Variants in LEKR1 observed in about 807,000 individuals in gnomAD.
LEKR1 encodes leucine, glutamate and lysine rich 1.
A neutral mutation model predicts 72.4 loss-of-function variants in LEKR1; 59 were observed. That is an observed-to-expected ratio of 0.82 (90% CI 0.66 to 1.01). The LOEUF (loss-of-function observed/expected upper bound fraction) is 1.01, where lower values mean the gene tolerates loss of function less well. Among genes scored for constraint, LEKR1 ranks in the 50% least tolerant of loss-of-function variants. LEKR1 has a pLI of 0.00. For synonymous variants in LEKR1, 257 were observed against 263.2 expected, an observed-to-expected ratio of 0.98 and a Z score of 0.23; for missense variants, 728 against 759.2, an observed-to-expected ratio of 0.96 and a Z score of 0.48.
At chr3:156,883,227 AG>A (rs1222543219) in intron 3 of LEKR1, among the ~76,000 whole-genome samples, 6 of 98 alleles carry the variant, frequency 0.061, no homozygotes, top group Admixed American at 0.22. Context: ...TGGGGCCTGT[AG>A]CCCCCTTTGT....
chr3:156,947,159 G>A (rs963840510), intron 6 of LEKR1, among the ~76,000 whole-genome samples: 10 of 150,192 alleles, frequency 6.7e-5, no homozygotes, highest in Non-Finnish European at 1.2e-4. Flanking sequence ...TCTAATTTTG[G>A]ACTTGGTTTT....
chr3:156,878,100 CT>C (rs534666633), intron 3 of LEKR1, among the ~76,000 whole-genome samples: 106 of 148,164 alleles, frequency 7.2e-4, no homozygotes, highest in Middle Eastern at 3.5e-3. Context: ...ATCTTTTTTA[CT>C]TTTTTTTTTG....
intron 3 of LEKR1, among the ~76,000 whole-genome samples, chr3:156,914,358 C>T (rs1723397170): frequency 6.6e-6 from 1 of 152,184 alleles, no homozygotes; most frequent in African/African-American, 2.4e-5. Context: ...GTTCCCCTCC[C>T]CGTGTCCATG....
intron 3 of LEKR1, among the ~76,000 whole-genome samples, chr3:156,910,514 C>A (rs1390844489): frequency 6.6e-6 from 1 of 152,106 alleles, no homozygotes; most frequent in Non-Finnish European, 1.5e-5. Context: ...GTGGTCAGCA[C>A]CTGAGTAACG....
Position 156,852,954 on chromosome 3 carries a change from A to T in LEKR1, c.235A>T (p.Lys79Ter), listed in dbSNP as rs1715565826. ...TCTTAGCCAAGAACTTGAACAGTAC[A>T]AAATTGACAACAAATCCAAAACAGA... Reference protein sequence around the residue: ...HSLSQELEQYKIDNKSKTERI... With the variant: ...HSLSQELEQY The change falls in exon 3 of 13, where the codon AAA (lysine) becomes TAA (stop). Residue 79 changes from lysine to a stop codon, truncating the protein, a stop_gained. Coordinates refer to ENST00000356539, the MANE Select transcript of LEKR1 (RefSeq NM_001004316.3). LOFTEE classifies it high-confidence loss of function. 6.5e-7 allele frequency: 1 copy of T among 1,535,362 alleles called. No homozygotes were observed. The highest frequency in any genetic ancestry group is 1.4e-5 in the African/African-American group (1 of 72,966).
intron 2 of LEKR1, among the ~76,000 whole-genome samples, chr3:156,834,359 A>C (rs1295309912): frequency 6.6e-6 from 1 of 152,156 alleles, no homozygotes; most frequent in African/African-American, 2.4e-5. Context: ...ATGTATTATA[A>C]ATCTTTTACA....
chr3:156,989,450 T>A (rs1357907050), intron 7 of LEKR1, among the ~76,000 whole-genome samples: 1 of 152,202 alleles, frequency 6.6e-6, no homozygotes, highest in Middle Eastern at 3.2e-3. Flanking sequence ...CCTATACAGA[T>A]ATGTAATCTC....
chr3:156,847,591 TAATTA>T (rs1714783250), intron 2 of LEKR1, among the ~76,000 whole-genome samples: 1 of 152,226 alleles, frequency 6.6e-6, no homozygotes, highest in Non-Finnish European at 1.5e-5. Flanking sequence ...ATGCCCTAAG[TAATTA>T]GCTCATATAG....
chr3:156,867,741 A>G (rs1194161937), intron 3 of LEKR1, among the ~76,000 whole-genome samples: 1 of 152,082 alleles, frequency 6.6e-6, no homozygotes, highest in Non-Finnish European at 1.5e-5. Flanking sequence ...GCTTTTAAAT[A>G]TGTCACTATC....
At chr3:156,883,029 C>A (rs1359592020) in intron 3 of LEKR1, among the ~76,000 whole-genome samples, 1 of 152,038 alleles carries the variant, frequency 6.6e-6, no homozygotes, top group Admixed American at 6.6e-5. Flanking sequence ...GGAGAGATAG[C>A]ATTGGGATAT....
chr3:156,907,002 TA>T, intron 3 of LEKR1, among the ~76,000 whole-genome samples: 1 of 152,282 alleles, frequency 6.6e-6, no homozygotes, highest in South Asian at 2.1e-4. Context: ...TATATAAACT[TA>T]AATATCTACT....
chr3:156,879,580 G>A (rs1047100014), intron 3 of LEKR1, among the ~76,000 whole-genome samples: 5 of 152,220 alleles, frequency 3.3e-5, no homozygotes, highest in African/African-American at 9.6e-5. Context: ...ATTTGTATAA[G>A]TAATGAGGAG....
intron 6 of LEKR1, among the ~76,000 whole-genome samples, chr3:156,970,581 T>C (rs1729077418): frequency 6.6e-6 from 1 of 152,202 alleles, no homozygotes; most frequent in Non-Finnish European, 1.5e-5. Flanking sequence ...CATGATTGTG[T>C]ATCTAGAAAA....
chr3:157,025,135 A>G (rs1484136122), intron 11 of LEKR1, among the ~76,000 whole-genome samples: 1 of 152,192 alleles, frequency 6.6e-6, no homozygotes, highest in Non-Finnish European at 1.5e-5. Flanking sequence ...CCAGCTATGT[A>G]TGGATTTTTT....
chr3:157,000,816 C>A (rs556917940), intron 9 of LEKR1, among the ~76,000 whole-genome samples: 2 of 152,312 alleles, frequency 1.3e-5, no homozygotes, highest in East Asian at 3.9e-4. Context: ...CAAATCTCAT[C>A]TTGAATTGTA....
chr3:156,882,447 T>G (rs62275239), intron 3 of LEKR1, among the ~76,000 whole-genome samples: 1 of 151,930 alleles, frequency 6.6e-6, no homozygotes, highest in Non-Finnish European at 1.5e-5. Context: ...CAAAACCACA[T>G]TGAGATACCA....
chr3:156,886,697 C>T (rs1263681793), intron 3 of LEKR1, among the ~76,000 whole-genome samples: 2 of 152,106 alleles, frequency 1.3e-5, no homozygotes, highest in African/African-American at 4.8e-5. Context: ...TTAAAACCTC[C>T]CATGACCTGG....
At chr3:156,841,231 G>A (rs1576641056) in intron 2 of LEKR1, among the ~76,000 whole-genome samples, 1 of 152,162 alleles carries the variant, frequency 6.6e-6, no homozygotes, top group Non-Finnish European at 1.5e-5. Flanking sequence ...AGCGGGTAAG[G>A]CATCCTAGGC....
chr3:156,875,454 A>G (rs1372127679), intron 3 of LEKR1, among the ~76,000 whole-genome samples: 1 of 151,946 alleles, frequency 6.6e-6, no homozygotes, highest in Non-Finnish European at 1.5e-5. Flanking sequence ...GTTTATGAAT[A>G]TTTTCTCCCA....
Sources: allele counts gnomAD v4.1 joint callset (sites outside exome capture counted in the v4.1 genomes callset), GRCh38; gene constraint gnomAD v4.1.1; transcripts MANE v1.5; gene names NCBI Gene and HGNC (gene_info 2026-07-23, HGNC 2026-07-21).